Variants in CFAP92 observed in about 807,000 individuals in gnomAD.
The protein encoded by CFAP92 is uncharacterized protein CFAP92.
In CFAP92, 86 loss-of-function variants were observed where a neutral mutation model predicts 106.3. The ratio of observed to expected loss-of-function variants is 0.81; its 90% CI spans 0.68 to 0.97. CFAP92 has a LOEUF of 0.97. Among genes scored for constraint, CFAP92 ranks in the 50% least tolerant of loss-of-function variants. The pLI is 0.00. For synonymous variants in CFAP92, 477 were observed against 506.4 expected, an observed-to-expected ratio of 0.94 and a Z score of 0.78; for missense variants, 1,204 against 1,283.8, an observed-to-expected ratio of 0.94 and a Z score of 0.95.
In CFAP92 at chr3:128,988,933, T is replaced by C. The variant is rs1351968908; in HGVS notation, c.263-15A>G. 3.7e-6 allele frequency: 6 copies of C among 1,600,814 alleles called. No individual in the cohort carries two copies. The highest frequency in any genetic ancestry group is 1.3e-5 in the African/African-American group (1 of 74,532). On this transcript the variant is annotated splice_polypyrimidine_tract_variant and intron_variant, in intron 2 of 15. Coordinates refer to ENST00000645291, the MANE Select transcript of CFAP92 (RefSeq NM_001394090.1). The stretch of plus-strand genomic sequence containing the variant: ...TCCCTTCTGACCTTGAAGATACAGA[T>C]TGAAAAAGTCTCGTTTTAACCTCAT...
upstream of CFAP92, chr3:129,003,417 G>T: frequency 2.3e-6 from 1 of 431,192 alleles, no homozygotes; most frequent in Non-Finnish European, 3.1e-6. Context: ...AATGCCACTG[G>T]GGGGAGTCTA....
At chr3:129,001,247 C>G (rs919101291) in intron 1 of CFAP92, among the ~76,000 whole-genome samples, 2 of 152,322 alleles carry the variant, frequency 1.3e-5, no homozygotes, top group Non-Finnish European at 2.9e-5. Flanking sequence ...GCCAGGCGGG[C>G]GGGGCGGAGG....
the CFAP92 span, among the ~76,000 whole-genome samples, chr3:129,026,545 G>C: frequency 2.0e-5 from 3 of 152,280 alleles, no homozygotes; most frequent in African/African-American, 7.2e-5. Flanking sequence ...CGAGAAAGTT[G>C]TTCCTCCCAG....
intron 15 of CFAP92, among the ~76,000 whole-genome samples, chr3:128,912,072 T>C (rs551719662): frequency 6.6e-6 from 1 of 152,300 alleles, no homozygotes; most frequent in South Asian, 2.1e-4. Flanking sequence ...TGTTGCCAAG[T>C]GATGGGTGTA....
chr3:128,991,656 C>G lies in CFAP92; in HGVS notation c.262+1387G>C, dbSNP rs538678448. On this transcript the variant is annotated intron_variant, in intron 2 of 15. Transcript: ENST00000645291. ...CTATAAAACCTTTGCCCCGTCCTCACTTGGGGCTGACGCCATTTTAGGCCT... is the reference window on the plus strand; with the variant it reads ...CTATAAAACCTTTGCCCCGTCCTCAGTTGGGGCTGACGCCATTTTAGGCCT... 1.5e-5 allele frequency: 7 copies of G among 466,848 alleles called. No homozygotes were observed. The African/African-American group carries it at 1.5e-4, about 10-fold the overall frequency. 28.9% of individuals were successfully genotyped at this position (466,848 alleles called of 1,614,324 possible).
At chr3:128,925,042 G>A (rs1937559896) in intron 12 of CFAP92, among the ~76,000 whole-genome samples, 1 of 152,198 alleles carries the variant, frequency 6.6e-6, no homozygotes, top group Admixed American at 6.5e-5. Flanking sequence ...GGACTTTGTG[G>A]CCCCCACAGC....
chr3:129,003,770 GC>G, upstream of CFAP92: 1 of 1,396,466 alleles, frequency 7.2e-7, no homozygotes, highest in South Asian at 1.5e-5. Flanking sequence ...CTTACCCCCT[GC>G]CCCTGCTGCC....
chr3:128,946,262 T>C (rs1285197649), intron 9 of CFAP92, among the ~76,000 whole-genome samples: 2 of 151,934 alleles, frequency 1.3e-5, no homozygotes, highest in Non-Finnish European at 2.9e-5. Context: ...AGATAGGCCA[T>C]GTGTCCTTTT....
chr3:128,940,488 CATT>C (rs1446424685), intron 10 of CFAP92, among the ~76,000 whole-genome samples: 2 of 152,196 alleles, frequency 1.3e-5, no homozygotes, highest in Non-Finnish European at 2.9e-5. Context: ...CAACACTTGT[CATT>C]ATTGGACTTT....
intron 4 of CFAP92, among the ~76,000 whole-genome samples, chr3:128,983,777 C>T (rs1260901947): frequency 6.6e-6 from 1 of 152,176 alleles, no homozygotes; most frequent in Non-Finnish European, 1.5e-5. Context: ...CTGCAGGGAC[C>T]AGGAGGTGGG....
At chr3:128,914,907 A>C in intron 15 of CFAP92, 1 of 566,206 alleles carries the variant, frequency 1.8e-6, no homozygotes, top group Non-Finnish European at 3.1e-6. Context: ...AAGTCACACA[A>C]ATGTCACACT....
chr3:129,002,157 C>T, intron 1 of CFAP92: 1 of 1,470,706 alleles, frequency 6.8e-7, no homozygotes. Flanking sequence ...GATCCGCCTG[C>T]GCCGTCCGCG....
the CFAP92 span, among the ~76,000 whole-genome samples, chr3:129,010,018 C>T: frequency 6.6e-6 from 1 of 152,236 alleles, no homozygotes; most frequent in Non-Finnish European, 1.5e-5. The surrounding 1 kb of genome is among the most constrained non-coding windows in gnomAD (Gnocchi z 4.3). Context: ...TGGCCTAGCA[C>T]CCAGCCCAGC....
chr3:128,991,666 A>G (rs1013469411), intron 2 of CFAP92: 2 of 573,350 alleles, frequency 3.5e-6, no homozygotes, highest in Non-Finnish European at 4.5e-6. Flanking sequence ...CTTGGGGCTG[A>G]CGCCATTTTA....
At chr3:128,959,697 G>A (rs1941723844) in intron 9 of CFAP92, among the ~76,000 whole-genome samples, 1 of 152,194 alleles carries the variant, frequency 6.6e-6, no homozygotes, top group Non-Finnish European at 1.5e-5. Flanking sequence ...TTCATGACCT[G>A]CATGTGAAGA....
At position 128,988,898 on chromosome 3, in the gene CFAP92, T is replaced by G; in HGVS notation, c.283A>C (p.Ser95Arg). 6.2e-7 allele frequency: 1 copy of G among 1,613,254 alleles called. No homozygotes were observed. Among genetic ancestry groups the G allele is most frequent in the Non-Finnish European group, 8.5e-7 (1 of 1,179,464 alleles). Reference protein sequence around the residue: ...VNMGQKGKYASLIEKYKKHPK... With the variant: ...VNMGQKGKYARLIEKYKKHPK... ...TGTTTCTTATATTTTTCAATCAAAC[T>G]TGCATATTTTCCCTTCTGACCTTGA... Residue 95 changes from serine (S) to arginine (R), a missense_variant, in exon 3 of 16, where the codon AGT becomes CGT. By Grantham distance (110) the Ser-to-Arg change is moderately radical. Transcript: ENST00000645291.
chr3:128,939,099 G>C (rs943647463), intron 10 of CFAP92, among the ~76,000 whole-genome samples: 3 of 151,970 alleles, frequency 2.0e-5, no homozygotes, highest in African/African-American at 7.2e-5. Flanking sequence ...TTATTGAAAA[G>C]TTTATCCTTT....
At chr3:129,021,781 T>C in the CFAP92 span, among the ~76,000 whole-genome samples, 1 of 152,242 alleles carries the variant, frequency 6.6e-6, no homozygotes, top group Non-Finnish European at 1.5e-5. Flanking sequence ...GGTTAAAGTA[T>C]CTGAAAATTT....
intron 10 of CFAP92, among the ~76,000 whole-genome samples, chr3:128,939,757 G>A (rs1479837964): frequency 1.3e-5 from 2 of 152,178 alleles, no homozygotes; most frequent in Middle Eastern, 3.2e-3. Context: ...ATTTCAGGAT[G>A]AAACTGTTGC....
Sources: allele counts gnomAD v4.1 joint callset (sites outside exome capture counted in the v4.1 genomes callset), GRCh38; gene constraint gnomAD v4.1.1; non-coding constraint Gnocchi (gnomAD v3.1); transcripts MANE v1.5; gene names NCBI Gene and HGNC (gene_info 2026-07-23, HGNC 2026-07-21).